Variants in GOLM2 observed in about 807,000 individuals in gnomAD.
GOLM2 encodes golgi membrane protein 2.
Under a neutral mutation model 55.9 loss-of-function variants are expected in GOLM2, and 26 were observed. That is an observed-to-expected ratio of 0.47 (90% CI 0.34 to 0.65). GOLM2 has a LOEUF of 0.65. GOLM2 is among the 30% of genes least tolerant of loss of function. The probability of loss-of-function intolerance (pLI) is 0.01; values close to 1 mark genes in which losing one functional copy is unlikely to be tolerated. For synonymous variants in GOLM2, 165 were observed against 194.6 expected, an observed-to-expected ratio of 0.85 and a Z score of 1.27; for missense variants, 486 against 531.8, an observed-to-expected ratio of 0.91 and a Z score of 0.85.
At chr15:44,326,960 CTT>C (rs778580607) in intron 2 of GOLM2, among the ~76,000 whole-genome samples, 15 of 131,888 alleles carry the variant, frequency 1.1e-4, no homozygotes, top group Non-Finnish European at 1.1e-4. Flanking sequence ...CCAACATCTG[CTT>C]TTTTTTTTTT....
intron 6 of GOLM2, among the ~76,000 whole-genome samples, chr15:44,375,444 G>A (rs544339068): frequency 6.6e-6 from 1 of 152,128 alleles, no homozygotes; most frequent in Admixed American, 6.6e-5. Context: ...ATTTGTTTGA[G>A]AAGTATTCTT....
chr15:44,410,778 T>C (rs2079632706), intron 9 of GOLM2, among the ~76,000 whole-genome samples: 2 of 150,930 alleles, frequency 1.3e-5, no homozygotes, highest in African/African-American at 2.4e-5. Context: ...GGTGTGTGCC[T>C]GTAGTCCTAG....
rs146768267 is a variant in GOLM2, at chr15:44,318,216, T to C, written c.328-4749T>C. 2.2e-4 allele frequency among the ~76,000 whole-genome samples: 34 copies of C among 152,314 alleles called. No individual in the cohort carries two copies. The East Asian group carries it at 6.6e-3, about 29-fold the overall frequency. On this transcript the variant is annotated intron_variant, in intron 1 of 9. Coordinates refer to ENST00000299957, the MANE Select transcript of GOLM2 (RefSeq NM_138423.4). ...TAAAATCTTCTTTTGATTTTTTCCT[T>C]CAGCTATTTAAAAAAAAATGTAACA...
intron 1 of GOLM2, among the ~76,000 whole-genome samples, chr15:44,295,484 T>G (rs2141105194): frequency 6.6e-6 from 1 of 152,328 alleles, no homozygotes; most frequent in South Asian, 2.1e-4. Context: ...TTTCTGATTT[T>G]TTAAACTTCC....
At chr15:44,410,740 A>T (rs1470802234) in intron 9 of GOLM2, among the ~76,000 whole-genome samples, 3 of 151,194 alleles carry the variant, frequency 2.0e-5, no homozygotes, top group Non-Finnish European at 4.4e-5. Flanking sequence ...TACAAAAAAA[A>T]AAAAAAGGAA....
At chr15:44,379,483 C>G (rs1291384309) in intron 6 of GOLM2, among the ~76,000 whole-genome samples, 2 of 142,454 alleles carry the variant, frequency 1.4e-5, no homozygotes, top group African/African-American at 5.1e-5. Flanking sequence ...GTCCCCCCAC[C>G]AAAAAAAAAA....
chr15:44,352,967 A>G (rs1488145212), intron 6 of GOLM2, among the ~76,000 whole-genome samples: 1 of 152,068 alleles, frequency 6.6e-6, no homozygotes, highest in East Asian at 1.9e-4. Flanking sequence ...GGGAGAAGAT[A>G]TTTGCAAACT....
intron 1 of GOLM2, among the ~76,000 whole-genome samples, chr15:44,315,042 C>T (rs954399436): frequency 6.6e-6 from 1 of 152,190 alleles, no homozygotes; most frequent in African/African-American, 2.4e-5. Flanking sequence ...ATTGCCAAAC[C>T]TGGCTGCTTA....
At chr15:44,412,949 G>A (rs1170561936) in intron 9 of GOLM2, among the ~76,000 whole-genome samples, 1 of 151,338 alleles carries the variant, frequency 6.6e-6, no homozygotes, top group Non-Finnish European at 1.5e-5. Flanking sequence ...GTTGCAGTGA[G>A]CCAAGATCGC....
chr15:44,374,186 A>T (rs555206566), intron 6 of GOLM2, among the ~76,000 whole-genome samples: 2 of 152,244 alleles, frequency 1.3e-5, no homozygotes, highest in East Asian at 3.9e-4. Context: ...ATAATACAAA[A>T]ATCAGTGATA....
chr15:44,390,875 T>C (rs1468931060), intron 8 of GOLM2, among the ~76,000 whole-genome samples: 1 of 152,048 alleles, frequency 6.6e-6, no homozygotes, highest in Non-Finnish European at 1.5e-5. Flanking sequence ...AGCCCCCTTT[T>C]CTAAGGTCCC....
intron 1 of GOLM2, among the ~76,000 whole-genome samples, chr15:44,307,031 A>G (rs1302427218): frequency 6.6e-6 from 1 of 152,172 alleles, no homozygotes; most frequent in Admixed American, 6.5e-5. Context: ...TCAAAATGTG[A>G]CATAGGGACA....
chr15:44,291,984 G>A (rs973303381), intron 1 of GOLM2, among the ~76,000 whole-genome samples: 1 of 152,048 alleles, frequency 6.6e-6, no homozygotes, highest in Non-Finnish European at 1.5e-5. Context: ...GTCTTGTTTA[G>A]TTTATTTGAT....
At position 44,289,878 on chromosome 15, in the gene GOLM2, C is replaced by A. The variant is rs2078708035; in HGVS notation, c.327+522C>A. On this transcript the variant is annotated intron_variant, in intron 1 of 9. Transcript: ENST00000299957. The surrounding 1 kb of genome is among the most constrained non-coding windows in gnomAD (Gnocchi z 4.8). The stretch of plus-strand genomic sequence containing the variant: ...ATGTATTGAATAACTAAATAATCAG[C>A]TATGACTGCCTTTTTGTGATCAAAA... Among the ~76,000 whole-genome samples, 1 of 152,208 alleles carries A rather than the reference C, an allele frequency of 6.6e-6. No homozygotes were observed. Among genetic ancestry groups the A allele is most frequent in the African/African-American group, 2.4e-5 (1 of 41,456 alleles).
At chr15:44,368,114 T>G (rs1478036158) in intron 6 of GOLM2, among the ~76,000 whole-genome samples, 1 of 151,914 alleles carries the variant, frequency 6.6e-6, no homozygotes, top group Non-Finnish European at 1.5e-5. Context: ...CTTCTAGGAC[T>G]CAAGTTTCAT....
intron 6 of GOLM2, among the ~76,000 whole-genome samples, chr15:44,363,537 G>A (rs531636791): frequency 1.3e-5 from 2 of 152,292 alleles, no homozygotes; most frequent in African/African-American, 4.8e-5. Flanking sequence ...TAAGAAGTCA[G>A]GAAACAACAG....
chr15:44,362,072 C>G (rs2079244485), intron 6 of GOLM2, among the ~76,000 whole-genome samples: 2 of 151,764 alleles, frequency 1.3e-5, no homozygotes, highest in African/African-American at 4.8e-5. Flanking sequence ...CTATGACAAA[C>G]CCACAGCCAA....
intron 9 of GOLM2, among the ~76,000 whole-genome samples, chr15:44,411,023 T>TC (rs2079635254): frequency 7.3e-6 from 1 of 137,842 alleles, no homozygotes; most frequent in Non-Finnish European, 1.5e-5. Flanking sequence ...CTTTTTTTTT[T>TC]TTTTTTTTTT....
intron 8 of GOLM2, among the ~76,000 whole-genome samples, chr15:44,398,227 G>A (rs983667426): frequency 6.6e-6 from 1 of 152,234 alleles, no homozygotes; most frequent in African/African-American, 2.4e-5. Flanking sequence ...AATAGCACAC[G>A]TACTATCACT....
Sources: allele counts gnomAD v4.1 joint callset (sites outside exome capture counted in the v4.1 genomes callset), GRCh38; gene constraint gnomAD v4.1.1; non-coding constraint Gnocchi (gnomAD v3.1); transcripts MANE v1.5; gene names NCBI Gene and HGNC (gene_info 2026-07-23, HGNC 2026-07-21).